Variants in ZFHX3 observed in about 807,000 individuals in gnomAD.
ZFHX3 encodes zinc finger homeobox protein 3.
A neutral mutation model predicts 279.1 loss-of-function variants in ZFHX3; 42 were observed. The ratio of observed to expected loss-of-function variants is 0.15; its 90% CI spans 0.12 to 0.19. The LOEUF (loss-of-function observed/expected upper bound fraction) is 0.19. ZFHX3 is among the 10% of genes least tolerant of loss of function. The probability of loss-of-function intolerance (pLI) is 1.00; values close to 1 mark genes in which losing one functional copy is unlikely to be tolerated. For synonymous variants in ZFHX3, 2,293 were observed against 1,957.8 expected, an observed-to-expected ratio of 1.17 and a Z score of -4.52; for missense variants, 4,981 against 4,754.0, an observed-to-expected ratio of 1.05 and a Z score of -1.40.
At chr16:73,599,786 T>G (rs1567529808) in intron 2 of ZFHX3, among the ~76,000 whole-genome samples, 3 of 150,798 alleles carry the variant, frequency 2.0e-5, no homozygotes, top group Admixed American at 1.3e-4. Flanking sequence ...GTGAATACAC[T>G]TCCACCGGTA....
intron 4 of ZFHX3, among the ~76,000 whole-genome samples, chr16:73,271,382 C>T (rs2014140475): frequency 6.6e-6 from 1 of 152,226 alleles, no homozygotes; most frequent in Non-Finnish European, 1.5e-5. Flanking sequence ...ACCCCCTGCT[C>T]ACTCCTCCCC....
intron 2 of ZFHX3, among the ~76,000 whole-genome samples, chr16:73,508,830 A>C (rs1205745341): frequency 6.6e-6 from 1 of 152,222 alleles, no homozygotes; most frequent in Non-Finnish European, 1.5e-5. Flanking sequence ...TCTTTGTCAA[A>C]GGAGGCTGTG....
intron 1 of ZFHX3, among the ~76,000 whole-genome samples, chr16:73,837,233 A>T (rs1192729206): frequency 1.3e-5 from 2 of 152,148 alleles, no homozygotes; most frequent in African/African-American, 4.8e-5. Flanking sequence ...TTAGAACTAA[A>T]CTCATGTTAA....
At chr16:73,444,974 A>C (rs1449927411) in intron 3 of ZFHX3, among the ~76,000 whole-genome samples, 3 of 150,878 alleles carry the variant, frequency 2.0e-5, no homozygotes, top group South Asian at 2.1e-4. Context: ...AAAAAAAAAA[A>C]AAAAAAACAA....
chr16:73,482,534 T>C (rs1180173338), intron 2 of ZFHX3, among the ~76,000 whole-genome samples: 2 of 152,098 alleles, frequency 1.3e-5, no homozygotes, highest in Non-Finnish European at 2.9e-5. Context: ...TGGCCAGAGG[T>C]CTCGGGAAGC....
chr16:72,794,969 ATCCAGGGACCTG>A lies in ZFHX3; in HGVS notation c.7701_7712del (p.Arg2568_Asp2571del), dbSNP rs1466571476. 2 of 1,614,156 alleles carry A rather than the reference ATCCAGGGACCTG, an allele frequency of 1.2e-6. No homozygotes were observed. The highest frequency in any genetic ancestry group is 2.2e-5 in the South Asian group (2 of 91,074). Reference sequence around the variant, plus strand: ...TGGGATCAAAGAGCATGAAAGGCATATCCAGGGACCTGTCCAAAAACTGGGGGTGGATGAACT... The same window carrying A: ...TGGGATCAAAGAGCATGAAAGGCATATCCAAAAACTGGGGGTGGATGAACT... On this transcript the variant is annotated inframe_deletion, in exon 9 of 10. Transcript: ENST00000268489. The surrounding 1 kb of genome is among the most constrained non-coding windows in gnomAD (Gnocchi z 4.2).
intron 4 of ZFHX3, among the ~76,000 whole-genome samples, chr16:73,258,139 T>C: frequency 6.6e-6 from 1 of 152,118 alleles, no homozygotes; most frequent in African/African-American, 2.4e-5. Flanking sequence ...GGGTTTAATA[T>C]ATATCTTCAC....
chr16:72,878,088 C>G (rs1228917101), intron 4 of ZFHX3, among the ~76,000 whole-genome samples: 2 of 152,034 alleles, frequency 1.3e-5, no homozygotes, highest in African/African-American at 2.4e-5. Flanking sequence ...AAGACTGAGG[C>G]AGGAGGATCA....
intron 3 of ZFHX3, among the ~76,000 whole-genome samples, chr16:73,386,432 C>T (rs368845504): frequency 3.5e-4 from 54 of 152,118 alleles, no homozygotes; most frequent in African/African-American, 1.3e-3. Flanking sequence ...TAAATATATG[C>T]TTTGCTGAGT....
intron 1 of ZFHX3, among the ~76,000 whole-genome samples, chr16:73,032,288 C>A (rs1331435101): frequency 1.3e-5 from 2 of 152,110 alleles, no homozygotes; most frequent in African/African-American, 2.4e-5. Context: ...GGCGACTGAA[C>A]AAGACCCTGT....
chr16:73,781,158 C>T (rs1261240320), intron 1 of ZFHX3, among the ~76,000 whole-genome samples: 1 of 152,128 alleles, frequency 6.6e-6, no homozygotes, highest in Non-Finnish European at 1.5e-5. Flanking sequence ...TTAACACTCC[C>T]TGCCTCATTA....
intron 1 of ZFHX3, among the ~76,000 whole-genome samples, chr16:72,976,104 T>A (rs1393167460): frequency 6.6e-6 from 1 of 152,196 alleles, no homozygotes; most frequent in Non-Finnish European, 1.5e-5. Context: ...GGAAGCGTAT[T>A]TGTGCAAACA....
chr16:73,199,239 C>T (rs986079798), intron 5 of ZFHX3, among the ~76,000 whole-genome samples: 5 of 152,148 alleles, frequency 3.3e-5, no homozygotes, highest in African/African-American at 1.2e-4. Context: ...TAGAATGGGG[C>T]GTAACGGGGT....
chr16:73,385,272 G>A (rs1292596721), intron 3 of ZFHX3, among the ~76,000 whole-genome samples: 2 of 150,996 alleles, frequency 1.3e-5, no homozygotes, highest in Non-Finnish European at 3.0e-5. Flanking sequence ...CTTTGCAATT[G>A]AAAAAAAAAT....
At chr16:73,792,858 C>CT (rs932899678) in intron 1 of ZFHX3, among the ~76,000 whole-genome samples, 1 of 138,346 alleles carries the variant, frequency 7.2e-6, no homozygotes, top group Non-Finnish European at 1.6e-5. Flanking sequence ...TACAGTGCAC[C>CT]CCCCCCCTCC....
At chr16:73,121,954 T>G (rs1160441315) in intron 7 of ZFHX3, among the ~76,000 whole-genome samples, 1 of 152,188 alleles carries the variant, frequency 6.6e-6, no homozygotes, top group African/African-American at 2.4e-5. Context: ...AGGTGAAAAC[T>G]GCAATTACTT....
Position 72,796,542 on chromosome 16 carries a change from G to C in ZFHX3, c.6140C>G (p.Pro2047Arg), listed in dbSNP as rs201122255. The C allele has an allele frequency of 2.2e-5, 36 of 1,607,966 alleles. No individual in the cohort carries two copies. Among genetic ancestry groups the C allele is most frequent in the Non-Finnish European group, 9.3e-6 (11 of 1,179,420 alleles). ...CGGCGCTGCCGGAAGTGGGGGTGGA[G>C]GGGGTGGAGGGGGAGGTGGTGGTGG... ...PEPPPPPPPP[P>R]PPPLPAAPPQ... The change falls in exon 9 of 10, where the codon CCT (proline) becomes CGT (arginine). Residue 2047 changes from proline (P) to arginine (R), a missense_variant. Physicochemically the swap from Pro to Arg is moderately radical, Grantham distance 103 (BLOSUM62 -2). Around this residue, in one of 7 missense-constraint regions of ZFHX3, gnomAD observed 1,751 missense variants for 1,770.0 expected, o/e 0.99. Coordinates refer to ENST00000268489, the MANE Select transcript of ZFHX3 (RefSeq NM_006885.4).
At chr16:73,031,563 G>C (rs1964701589) in intron 1 of ZFHX3, among the ~76,000 whole-genome samples, 1 of 152,146 alleles carries the variant, frequency 6.6e-6, no homozygotes, top group African/African-American at 2.4e-5. Flanking sequence ...GCATTTCGTG[G>C]AGACATCGAG....
intron 8 of ZFHX3, among the ~76,000 whole-genome samples, chr16:73,080,230 C>T (rs1965928236): frequency 6.6e-6 from 1 of 152,210 alleles, no homozygotes; most frequent in Non-Finnish European, 1.5e-5. Flanking sequence ...TGAAAGCCTC[C>T]ACCCATTAAC....
Sources: gnomAD v4.1 joint callset for allele counts (sites outside exome capture counted in the v4.1 genomes callset) on GRCh38, gnomAD v4.1.1 for gene constraint, gnomAD v4.1.1 regional missense constraint, Gnocchi (gnomAD v3.1) non-coding constraint, MANE v1.5 for transcripts, NCBI Gene and HGNC (gene_info 2026-07-23, HGNC 2026-07-21) for gene names.